Variants in MARCHF6 observed in about 807,000 individuals in gnomAD.
MARCHF6 encodes the protein E3 ubiquitin-protein ligase MARCHF6.
MARCHF6 carries 31 observed loss-of-function variants against 133.7 expected under a neutral mutation model. The ratio of observed to expected loss-of-function variants is 0.23; its 90% confidence interval spans 0.17 to 0.31. MARCHF6 has a LOEUF of 0.31. Among genes scored for constraint, MARCHF6 ranks in the 10% least tolerant of loss-of-function variants. MARCHF6 has a pLI of 1.00. For synonymous variants in MARCHF6, 395 were observed against 402.5 expected (o/e 0.98, Z 0.22); for missense variants, 723 against 1,121.6 (o/e 0.64, Z 5.08).
intron 18 of MARCHF6, among the ~76,000 whole-genome samples, 171 bp from the exon 19 acceptor site, chr5:10,411,162 G>T (rs1325718174): frequency 6.6e-6 from 1 of 152,134 alleles, no homozygotes; most frequent in Non-Finnish European, 1.5e-5. Context: ...AGAAAGGTTT[G>T]ATTTAAAGTG....
chr5:10,405,467 C>A, intron 15 of MARCHF6, 91 bp from the exon 16 acceptor site: 1 of 1,113,818 alleles, frequency 9.0e-7, no homozygotes, highest in Non-Finnish European at 1.2e-6. Context: ...CAGAATAATT[C>A]TAAGTGCTTA....
rs79268913 is a variant in MARCHF6 at position 10,353,752 on chromosome 5, C to G, written c.-147C>G. 4.7e-6 allele frequency: 3 copies of G among 639,942 alleles called. No individual in the cohort carries two copies. Among genetic ancestry groups the G allele is most frequent in the African/African-American group, 1.9e-5 (1 of 51,744 alleles). 39.6% of individuals were successfully genotyped at this position (639,942 alleles called of 1,614,324 possible). A position where few individuals can be genotyped will look rare whatever the true frequency, so the allele number is the denominator to read the frequency against. Reference sequence around the variant, plus strand: ...TTTCTGTCAGCCTCTCTCCCTCTCCCTCTCCCCTCTCCTTCCTCTCGCTTC... The same window carrying G: ...TTTCTGTCAGCCTCTCTCCCTCTCCGTCTCCCCTCTCCTTCCTCTCGCTTC... On this transcript the variant is annotated 5_prime_UTR_variant, in exon 1 of 26. Transcript: ENST00000274140.
In MARCHF6 at chr5:10,381,921, G is replaced by C; in HGVS notation, c.312G>C (p.Leu104Phe). 1 of 1,613,468 alleles carries C rather than the reference G, an allele frequency of 6.2e-7. No individual in the cohort carries two copies. The highest frequency in any genetic ancestry group is 8.5e-7 in the Non-Finnish European group (1 of 1,179,766). ...FHYTLVAFAW[L>F]GVVPLTACRI... ...ATACACTTGTGGCCTTTGCATGGTTGGGAGTTGTTCCTCTTACAGCATGTG... is the reference window on the plus strand; with the variant it reads ...ATACACTTGTGGCCTTTGCATGGTTCGGAGTTGTTCCTCTTACAGCATGTG... Residue 104 changes from leucine to phenylalanine, a missense_variant, in exon 4 of 26, where the codon TTG becomes TTC. Leu to Phe is a conservative substitution (Grantham distance 22, BLOSUM62 0). Transcript: ENST00000274140.
At chr5:10,419,810 C>T (rs1739737046) in intron 22 of MARCHF6, among the ~76,000 whole-genome samples, 1 of 152,152 alleles carries the variant, frequency 6.6e-6, no homozygotes, top group African/African-American at 2.4e-5. Flanking sequence ...CGCAACTTTG[C>T]AGCTTAAAAC....
intron 23 of MARCHF6, among the ~76,000 whole-genome samples, chr5:10,425,177 T>C (rs1454202609): frequency 6.6e-6 from 1 of 152,190 alleles, no homozygotes; most frequent in African/African-American, 2.4e-5. Flanking sequence ...TTCAAGATTT[T>C]GATTCTTAGG....
intron 5 of MARCHF6, among the ~76,000 whole-genome samples, chr5:10,389,915 T>C (rs1256978938): frequency 6.6e-6 from 1 of 152,210 alleles, no homozygotes; most frequent in East Asian, 1.9e-4. Flanking sequence ...ACAGAAACTC[T>C]TAGAGTTGGA....
At chr5:10,414,920 A>G (rs1023330196) in intron 20 of MARCHF6, among the ~76,000 whole-genome samples, 3 of 152,240 alleles carry the variant, frequency 2.0e-5, no homozygotes, top group Admixed American at 2.0e-4. Context: ...TTCACATTCC[A>G]GCATATTCAG....
At chr5:10,360,014 A>G (rs1372118208) in intron 1 of MARCHF6, among the ~76,000 whole-genome samples, 1 of 152,114 alleles carries the variant, frequency 6.6e-6, no homozygotes, top group Admixed American at 6.6e-5. Context: ...TCAAAAAAAA[A>G]GTAGTACAAT....
At chr5:10,376,075 A>G (rs1736762243) in intron 1 of MARCHF6, among the ~76,000 whole-genome samples, 1 of 152,196 alleles carries the variant, frequency 6.6e-6, no homozygotes, top group African/African-American at 2.4e-5. Flanking sequence ...GGGCCAGATA[A>G]GAGAATAAAA....
chr5:10,419,263 G>C (rs1391865939), intron 22 of MARCHF6, among the ~76,000 whole-genome samples: 1 of 152,142 alleles, frequency 6.6e-6, no homozygotes, highest in African/African-American at 2.4e-5. Flanking sequence ...TCAGTAAATT[G>C]CATGAGATAG....
rs904922722 is a variant in MARCHF6 at position 10,417,177 on chromosome 5, C to G, written c.2149-93C>G. Reference sequence around the variant, plus strand: ...GGATACTGAGGGATGACTGTGGTTGCTCTGTTAGGCATCAGTCTCAAACCT... The same window carrying G: ...GGATACTGAGGGATGACTGTGGTTGGTCTGTTAGGCATCAGTCTCAAACCT... On this transcript the variant is annotated intron_variant, in intron 21 of 25. Coordinates refer to ENST00000274140, the MANE Select transcript of MARCHF6 (RefSeq NM_005885.4). The G allele has an allele frequency of 1.9e-5, 27 of 1,416,014 alleles. 1 individual carries two copies. In the Middle Eastern group the frequency reaches 7.5e-4, roughly 40 times the overall value. 87.7% of individuals were successfully genotyped at this position (1,416,014 alleles called of 1,614,324 possible).
intron 12 of MARCHF6, 47 bp downstream of exon 12, chr5:10,402,186 C>G: frequency 1.6e-6 from 2 of 1,260,628 alleles, no homozygotes; most frequent in Non-Finnish European, 2.3e-6. Flanking sequence ...ATTATTCATA[C>G]CAAAGAACTC....
chr5:10,387,818 G>C (rs1452029408), intron 5 of MARCHF6, among the ~76,000 whole-genome samples: 1 of 151,982 alleles, frequency 6.6e-6, no homozygotes, highest in African/African-American at 2.4e-5. Flanking sequence ...GTGGCAGCAA[G>C]CCAGGCTAAT....
chr5:10,390,918 A>C (rs1428418471), intron 6 of MARCHF6, among the ~76,000 whole-genome samples: 1 of 152,220 alleles, frequency 6.6e-6, no homozygotes, highest in African/African-American at 2.4e-5. Context: ...GAATGTTTTT[A>C]AGAGAGCCAG....
At chr5:10,370,447 G>A (rs953090809) in intron 1 of MARCHF6, among the ~76,000 whole-genome samples, 4 of 152,064 alleles carry the variant, frequency 2.6e-5, no homozygotes, top group Non-Finnish European at 5.9e-5. Context: ...TAAAGTATAT[G>A]TAATAAAATT....
chr5:10,368,329 A>G (rs992428716), intron 1 of MARCHF6, among the ~76,000 whole-genome samples: 1 of 152,214 alleles, frequency 6.6e-6, no homozygotes, highest in African/African-American at 2.4e-5. Flanking sequence ...AGCTTAAAGC[A>G]TCAAAAGGTT....
At chr5:10,376,401 G>A (rs376012390) in intron 1 of MARCHF6, among the ~76,000 whole-genome samples, 1 of 151,626 alleles carries the variant, frequency 6.6e-6, no homozygotes, top group Non-Finnish European at 1.5e-5. Context: ...CTCCGAACAC[G>A]TCCGAACATC....
At chr5:10,367,242 G>C (rs1045012667) in intron 1 of MARCHF6, among the ~76,000 whole-genome samples, 5 of 152,162 alleles carry the variant, frequency 3.3e-5, no homozygotes, top group Non-Finnish European at 5.9e-5. Flanking sequence ...GAAAAGGGAC[G>C]TTAGGTAAAG....
chr5:10,428,217 A>G (rs1009852390), intron 24 of MARCHF6, among the ~76,000 whole-genome samples: 10 of 152,158 alleles, frequency 6.6e-5, no homozygotes, highest in African/African-American at 2.2e-4. Flanking sequence ...CTAAGTAGAA[A>G]CTTCAAGGCT....
Sources: gnomAD v4.1 joint callset for allele counts (sites outside exome capture counted in the v4.1 genomes callset) on GRCh38, gnomAD v4.1.1 for gene constraint, MANE v1.5 for transcripts, NCBI Gene and HGNC (gene_info 2026-07-23, HGNC 2026-07-21) for gene names.